PRR12: variants seen among roughly 807,000 people sequenced by gnomAD.
PRR12 encodes the protein proline-rich protein 12.
In PRR12, 12 loss-of-function variants were observed where a neutral mutation model predicts 138.0. The ratio of observed to expected loss-of-function variants is 0.09; its 90% confidence interval spans 0.06 to 0.14. The LOEUF is 0.14. Among genes scored for constraint, PRR12 ranks in the 10% least tolerant of loss-of-function variants. The pLI, the probability that PRR12 is intolerant of heterozygous loss-of-function variation, is 1.00. For missense variants in PRR12, 2,692 were observed against 2,861.3 expected, an observed-to-expected ratio of 0.94 and a Z score of 1.35; for synonymous variants, 1,567 against 1,291.7, an observed-to-expected ratio of 1.21 and a Z score of -4.57.
chr19:49,601,712 C>T lies in PRR12; in HGVS notation c.4567C>T (p.Leu1523=), dbSNP rs1186449103. The stretch of plus-strand genomic sequence containing the variant: ...ACCACCCCCACCAGCCGCTGCCCCA[C>T]TGGCTGCTCCTCCTGAGGAGCCCGC... The part of the protein sequence containing the change: ...PPPPPPAAAP[L]AAPPEEPAAP... Residue 1523 remains leucine, a synonymous_variant, in exon 6 of 14, where the codon CTG becomes TTG. Coordinates refer to ENST00000418929, the MANE Select transcript of PRR12 (RefSeq NM_020719.3). The T allele has an allele frequency of 3.9e-6, 6 of 1,542,572 alleles. No homozygotes were observed. The Admixed American group carries it at 1.2e-4, about 30-fold the overall frequency.
Position 49,597,864 on chromosome 19 carries a change from C to T in PRR12, c.3529C>T (p.Arg1177Cys). The change falls in exon 4 of 14, where the codon CGC (arginine) becomes TGC (cysteine). Residue 1177 changes from arginine (R) to cysteine (C), a missense_variant. Around this residue, in one of 11 missense-constraint regions of PRR12, gnomAD observed 326 missense variants for 344.2 expected, o/e 0.95. Transcript: ENST00000418929. This position sits in a 1 kb window ranked among gnomAD's most constrained non-coding sequence, Gnocchi z 6.3. ...CCGGCCACGGGGGAGGCCCCGGATC[C>T]GCCCCCTGGAGGTCCCGACCACTGC... ...PPRPRGRPRI[R>C]PLEVPTTAGP... is the part of the protein sequence containing the mutation. The T allele has an allele frequency of 1.4e-6, 2 of 1,456,340 alleles. No individual in the cohort carries two copies. The highest frequency in any genetic ancestry group is 1.8e-6 in the Non-Finnish European group (2 of 1,106,304). The allele number at this position is 1,456,340 out of a possible 1,614,324, so 90.2% of individuals were successfully genotyped here.
rs745443056 is a variant in PRR12 at position 49,597,547 on chromosome 19, A to G, written c.3212A>G (p.Lys1071Arg). ...SPIFCSTKPK[K>R]LLKTSSFHLL... ...ATCTTCTGCTCTACCAAGCCAAAGAAGCTGCTCAAGACATCCTCCTTCCAC... is the reference window on the plus strand; with the variant it reads ...ATCTTCTGCTCTACCAAGCCAAAGAGGCTGCTCAAGACATCCTCCTTCCAC... Residue 1071 changes from lysine (K) to arginine (R), a missense_variant, in exon 4 of 14, where the codon AAG becomes AGG. By Grantham distance (26) the Lys-to-Arg change is conservative (BLOSUM62 2). This residue lies in a region of PRR12 where 840 missense variants were observed against 689.8 expected (regional missense o/e 1.22). Transcript: ENST00000418929. The surrounding 1 kb of genome is among the most constrained non-coding windows in gnomAD (Gnocchi z 6.3). 6.3e-7 allele frequency: 1 copy of G among 1,583,246 alleles called. No homozygotes were observed. The highest frequency in any genetic ancestry group is 1.4e-5 in the African/African-American group (1 of 73,898).
At chr19:49,615,632 G>T in intron 8 of PRR12, 115 bp from the exon 9 acceptor site, 4 of 822,812 alleles carry the variant, frequency 4.9e-6, no homozygotes, top group Non-Finnish European at 1.9e-6. Flanking sequence ...CCAGAGAGAG[G>T]AGGGGACAGT....
chr19:49,615,450 G>A (rs2080886860), intron 8 of PRR12, among the ~76,000 whole-genome samples: 1 of 150,388 alleles, frequency 6.6e-6, no homozygotes, highest in South Asian at 2.1e-4. Flanking sequence ...GAGGGGGATA[G>A]AGACCCAGAG....
intron 6 of PRR12, among the ~76,000 whole-genome samples, chr19:49,613,433 T>G (rs1457882416): frequency 6.6e-6 from 1 of 152,108 alleles, no homozygotes; most frequent in Non-Finnish European, 1.5e-5. Context: ...TTATTTCTTG[T>G]GTCCATATTT....
chr19:49,625,419 C>T lies in PRR12; in HGVS notation c.5965-42C>T, dbSNP rs2080949713. Reference sequence around the variant, plus strand: ...CCCCAGCCCCTTCCCTCCCCAGAGGCCGGTGTGCCACCCTCCCCAGTGCCA... The same window carrying T: ...CCCCAGCCCCTTCCCTCCCCAGAGGTCGGTGTGCCACCCTCCCCAGTGCCA... On this transcript the variant is annotated intron_variant, in intron 13 of 13. Coordinates refer to ENST00000418929, the MANE Select transcript of PRR12 (RefSeq NM_020719.3). This position sits in a 1 kb window ranked among gnomAD's most constrained non-coding sequence, Gnocchi z 5.5. 2 of 1,548,026 alleles carry T rather than the reference C, an allele frequency of 1.3e-6. No homozygotes were observed. The highest frequency in any genetic ancestry group is 1.7e-6 in the Non-Finnish European group (2 of 1,150,584).
intron 6 of PRR12, among the ~76,000 whole-genome samples, chr19:49,609,598 C>CAA (rs756447972): frequency 5.7e-5 from 6 of 105,994 alleles, no homozygotes; most frequent in Non-Finnish European, 2.0e-5. Flanking sequence ...GAGACTGTCT[C>CAA]AAAAAAAAAA....
At position 49,602,167 on chromosome 19, in the gene PRR12, C is replaced by T. The variant is rs74657033; in HGVS notation, c.4773+249C>T. On this transcript the variant is annotated intron_variant, in intron 6 of 13. Transcript: ENST00000418929. The stretch of plus-strand genomic sequence containing the variant: ...AAAGCGATTGTTAACGCGTATGTGT[C>T]TATATGTGCGTTACCTGTATATAAG... 9.9e-4 allele frequency among the ~76,000 whole-genome samples: 150 copies of T among 152,258 alleles called. 1 individual carries two copies. The highest frequency in any genetic ancestry group is 3.4e-3 in the African/African-American group (143 of 41,526).
At chr19:49,623,657 G>C (rs1325177514) in intron 11 of PRR12, among the ~76,000 whole-genome samples, 1 of 152,070 alleles carries the variant, frequency 6.6e-6, no homozygotes, top group African/African-American at 2.4e-5. Flanking sequence ...AGAATTCTGG[G>C]GTAGATGGGA....
chr19:49,605,504 T>C (rs2080833882), intron 6 of PRR12, among the ~76,000 whole-genome samples: 1 of 151,898 alleles, frequency 6.6e-6, no homozygotes, highest in Non-Finnish European at 1.5e-5. Context: ...TCAGGTGATC[T>C]GCCTGCCTCA....
At position 49,597,371 on chromosome 19, in the gene PRR12, C is replaced by T; in HGVS notation, c.3036C>T (p.Pro1012=). 2 of 1,538,292 alleles carry T rather than the reference C, an allele frequency of 1.3e-6. No homozygotes were observed. Among genetic ancestry groups the T allele is most frequent in the Admixed American group, 3.9e-5 (2 of 51,000 alleles). ...GPETPGLGLD[P]NKPPELPSTV... ...AGACACCGGGCCTGGGCCTGGACCC[C>T]AACAAACCGCCTGAACTGCCCTCCA... Residue 1012 remains proline (P), a synonymous_variant, in exon 4 of 14, where the codon CCC becomes CCT. Coordinates refer to ENST00000418929, the MANE Select transcript of PRR12 (RefSeq NM_020719.3). This position sits in a 1 kb window ranked among gnomAD's most constrained non-coding sequence, Gnocchi z 6.3.
chr19:49,591,795 G>GGCCGA, intron 1 of PRR12, 55 bp downstream of exon 1: 1 of 507,500 alleles, frequency 2.0e-6, no homozygotes, highest in South Asian at 1.0e-4. Flanking sequence ...AGCCCAGCCG[G>GGCCGA]GCCGGGCCGG....
intron 1 of PRR12, among the ~76,000 whole-genome samples, chr19:49,592,743 G>A (rs528643472): frequency 6.6e-6 from 1 of 152,118 alleles, no homozygotes; most frequent in African/African-American, 2.4e-5. Context: ...GGGGATGGTC[G>A]GTGTTCTTGT....
At chr19:49,593,561 G>A (rs1366420210) in intron 2 of PRR12, 122 bp downstream of exon 2, 1 of 591,346 alleles carries the variant, frequency 1.7e-6, no homozygotes, top group South Asian at 1.9e-5. Flanking sequence ...CCCGCCCCTT[G>A]CTGTGTCTCC....
chr19:49,625,219 AC>A lies in PRR12; in HGVS notation c.5964+22del. ...GGACCAGGTGAGCCCCACCCACAGC[AC>A]CCATCGCCCTGGGATTCCAACCTTT... On this transcript the variant is annotated intron_variant, in intron 13 of 13. Transcript: ENST00000418929. The surrounding 1 kb of genome is among the most constrained non-coding windows in gnomAD (Gnocchi z 5.5). 6.2e-7 allele frequency: 1 copy of A among 1,606,206 alleles called. No individual in the cohort carries two copies. The highest frequency in any genetic ancestry group is 8.5e-7 in the Non-Finnish European group (1 of 1,173,062).
In PRR12 at chr19:49,625,343, C is replaced by T; in HGVS notation, c.5965-118C>T. ...CTGTCTTGGACTTAAGAATGCAGCC[C>T]CCAGCCCTGGTCTCCCTGGGACACT... On this transcript the variant is annotated intron_variant, in intron 13 of 13. Coordinates refer to ENST00000418929, the MANE Select transcript of PRR12 (RefSeq NM_020719.3). The surrounding 1 kb of genome is among the most constrained non-coding windows in gnomAD (Gnocchi z 5.5). 7.0e-7 allele frequency: 1 copy of T among 1,437,634 alleles called. No individual in the cohort carries two copies. The highest frequency in any genetic ancestry group is 9.4e-7 in the Non-Finnish European group (1 of 1,058,274). The allele number at this position is 1,437,634 out of a possible 1,614,324, so 89.1% of individuals were successfully genotyped here. A position where few individuals can be genotyped will look rare whatever the true frequency, so the allele number is the denominator to read the frequency against.
chr19:49,620,501 G>A lies in PRR12; in HGVS notation c.5623+24G>A, dbSNP rs369838353. Reference sequence around the variant, plus strand: ...TGGTGAGCTGAGGCCTGGGGAGGAGGGGGGGGGGCTGACTCGGTCTGAGGG... The same window carrying A: ...TGGTGAGCTGAGGCCTGGGGAGGAGAGGGGGGGGCTGACTCGGTCTGAGGG... On this transcript the variant is annotated intron_variant, in intron 10 of 13. Coordinates refer to ENST00000418929, the MANE Select transcript of PRR12 (RefSeq NM_020719.3). The A allele has an allele frequency of 1.9e-5, 30 of 1,543,184 alleles. 1 individual carries two copies. The Middle Eastern group carries it at 6.7e-4, about 35-fold the overall frequency.
intron 6 of PRR12, among the ~76,000 whole-genome samples, chr19:49,612,864 A>G (rs999367822): frequency 4.0e-5 from 6 of 151,638 alleles, no homozygotes; most frequent in African/African-American, 1.5e-4. Context: ...GGGTTTCACC[A>G]TGTAGGCTGG....
chr19:49,610,719 A>G (rs566779176), intron 6 of PRR12, among the ~76,000 whole-genome samples: 8 of 151,758 alleles, frequency 5.3e-5, no homozygotes, highest in African/African-American at 1.7e-4. Context: ...TTTTTTGTGT[A>G]TTTTTAGTAG....
Sources: gnomAD v4.1 joint callset for allele counts (sites outside exome capture counted in the v4.1 genomes callset) on GRCh38, gnomAD v4.1.1 for gene constraint, gnomAD v4.1.1 regional missense constraint, Gnocchi (gnomAD v3.1) non-coding constraint, MANE v1.5 for transcripts, NCBI Gene and HGNC (gene_info 2026-07-23, HGNC 2026-07-21) for gene names.